The following UBXN7 variants were observed in gnomAD, a reference collection of about 807,000 sequenced individuals.
UBXN7 encodes the protein UBX domain-containing protein 7.
A neutral mutation model predicts 58.0 loss-of-function variants in UBXN7; 9 were observed. The observed-to-expected ratio is 0.16, with a 90% CI of 0.09 to 0.27. UBXN7 has a LOEUF of 0.27. Ranked by LOEUF, UBXN7 falls within the 10% of genes least tolerant of loss-of-function variation. UBXN7 has a pLI of 1.00. For synonymous variants in UBXN7, 208 were observed against 205.0 expected, an observed-to-expected ratio of 1.01 and a Z score of -0.12; for missense variants, 328 against 599.6, an observed-to-expected ratio of 0.55 and a Z score of 4.73.
rs1184262284 is a variant in UBXN7 at position 196,347,842 on chromosome 3, C to G, written c.*8843G>C. 1 of 151,332 alleles carries G rather than the reference C, an allele frequency of 6.6e-6. No individual in the cohort carries two copies. Among genetic ancestry groups the G allele is most frequent in the Non-Finnish European group, 1.5e-5 (1 of 67,918 alleles). The allele number at this position is 151,332 out of a possible 1,614,324, so 9.4% of individuals were successfully genotyped here. ...TTATCGTCCCACTCCCTTCCCTCCC[C>G]CACCCCATTGTCCCCCCACCCTCCC... is the stretch of plus-strand genomic sequence containing the variant. On this transcript the variant is annotated 3_prime_UTR_variant, in exon 11 of 11. Transcript: ENST00000296328.
At chr3:196,412,373 G>GT (rs1291594217) in intron 1 of UBXN7, among the ~76,000 whole-genome samples, 5 of 151,658 alleles carry the variant, frequency 3.3e-5, no homozygotes, top group South Asian at 2.1e-4. Flanking sequence ...ACGGTCAACT[G>GT]TTTTTTTTAG....
chr3:196,426,003 T>G (rs1730837788), intron 1 of UBXN7, among the ~76,000 whole-genome samples: 3 of 152,180 alleles, frequency 2.0e-5, no homozygotes, highest in Admixed American at 2.0e-4. Flanking sequence ...CCTTAAGATG[T>G]GAACCATGCC....
At chr3:196,358,044 G>A (rs190295246) in intron 10 of UBXN7, among the ~76,000 whole-genome samples, 1 of 151,896 alleles carries the variant, frequency 6.6e-6, no homozygotes, top group African/African-American at 2.4e-5. Flanking sequence ...ACAAGAAAAG[G>A]AAGAAAAAAA....
chr3:196,394,155 G>A (rs1338717717), intron 3 of UBXN7, among the ~76,000 whole-genome samples: 2 of 152,018 alleles, frequency 1.3e-5, no homozygotes, highest in Non-Finnish European at 2.9e-5. Context: ...AGGCGTGATG[G>A]TGCATGCCTG....
chr3:196,370,735 A>C (rs148923539), intron 6 of UBXN7, among the ~76,000 whole-genome samples: 21 of 151,970 alleles, frequency 1.4e-4, no homozygotes, highest in Non-Finnish European at 3.1e-4. Context: ...AAAATAAAAA[A>C]ATTGAGCCGG....
chr3:196,386,552 A>T (rs1294327627), intron 5 of UBXN7, among the ~76,000 whole-genome samples: 3 of 152,176 alleles, frequency 2.0e-5, no homozygotes, highest in Non-Finnish European at 2.9e-5. Flanking sequence ...AAAAATCACA[A>T]GCATTCCTAT....
chr3:196,372,327 C>CTCTCTCTCTCTCTCTCTCT (rs1560222230), intron 5 of UBXN7, among the ~76,000 whole-genome samples: 1 of 90,284 alleles, frequency 1.1e-5, no homozygotes, highest in Non-Finnish European at 2.5e-5. Context: ...TCTCTCTCTC[C>CTCTCTCTCTCTCTCTCTCT]TTTCTTTCTT....
At chr3:196,366,259 A>G (rs1728662216) in intron 8 of UBXN7, among the ~76,000 whole-genome samples, 1 of 152,128 alleles carries the variant, frequency 6.6e-6, no homozygotes, top group Admixed American at 6.6e-5. Flanking sequence ...GTTCATGCTT[A>G]TAATCCCAGC....
At chr3:196,361,977 G>C in intron 9 of UBXN7, 54 bp from the exon 10 acceptor site, 1 of 1,468,838 alleles carries the variant, frequency 6.8e-7, no homozygotes, top group Non-Finnish European at 9.4e-7. Flanking sequence ...GTTTAAGACA[G>C]AATATTAGTT....
At chr3:196,368,233 A>G (rs1161214507) in intron 7 of UBXN7, 78 bp from the exon 8 acceptor site, 9 of 1,425,694 alleles carry the variant, frequency 6.3e-6, no homozygotes, top group African/African-American at 2.9e-5. Flanking sequence ...ATCTATAAAT[A>G]TAATACCTAG....
intron 1 of UBXN7, among the ~76,000 whole-genome samples, chr3:196,417,109 C>G (rs374552908): frequency 2.3e-4 from 35 of 152,092 alleles, no homozygotes; most frequent in Middle Eastern, 3.4e-3. Flanking sequence ...GTCAGGAGAT[C>G]GAGACCATCC....
intron 3 of UBXN7, among the ~76,000 whole-genome samples, chr3:196,401,773 A>C (rs1729993909): frequency 6.9e-6 from 1 of 145,108 alleles, no homozygotes; most frequent in Non-Finnish European, 1.5e-5. Flanking sequence ...TATTTTAAAA[A>C]AAAAAAAAAA....
chr3:196,374,907 GGGAGGGGGAGGGGGAGGGGAAGGGAAGA>G, intron 5 of UBXN7, among the ~76,000 whole-genome samples: 3 of 6,726 alleles, frequency 4.5e-4, no homozygotes, highest in African/African-American at 1.2e-3. Flanking sequence ...GGGGGGGAGG[GGGAGGGGGAGGGGGAGGGGAAGGGAAGA>G]AGGAAGGAAG....
intron 5 of UBXN7, among the ~76,000 whole-genome samples, chr3:196,377,216 A>G (rs1474606451): frequency 1.3e-5 from 2 of 152,238 alleles, no homozygotes; most frequent in Non-Finnish European, 1.5e-5. Flanking sequence ...AGCTTACAGC[A>G]TGGTGGGGAA....
intron 1 of UBXN7, among the ~76,000 whole-genome samples, chr3:196,421,653 T>C (rs1730690909): frequency 1.3e-5 from 2 of 151,728 alleles, no homozygotes; most frequent in Admixed American, 1.3e-4. Flanking sequence ...GGCAGGCGCC[T>C]GTAGTCCCAG....
chr3:196,407,504 T>A, intron 1 of UBXN7, 111 bp from the exon 2 acceptor site: 1 of 1,395,622 alleles, frequency 7.2e-7, no homozygotes, highest in Middle Eastern at 2.2e-4. Flanking sequence ...TTTTCCCTTT[T>A]AGAATGAATG....
intron 9 of UBXN7, 140 bp downstream of exon 9, chr3:196,362,154 T>C (rs1728522838): frequency 3.3e-6 from 4 of 1,202,824 alleles, no homozygotes; most frequent in South Asian, 3.1e-5. Flanking sequence ...CCACCACACC[T>C]GGCTAAGTTT....
At chr3:196,386,119 G>T (rs918111383) in intron 5 of UBXN7, among the ~76,000 whole-genome samples, 4 of 152,004 alleles carry the variant, frequency 2.6e-5, no homozygotes, top group Admixed American at 2.0e-4. Context: ...TGTCCACTAA[G>T]GGTTAAATGG....
At chr3:196,365,249 TAA>T (rs11317854) in intron 8 of UBXN7, among the ~76,000 whole-genome samples, 6,703 of 127,882 alleles carry the variant, frequency 0.052, 474 homozygotes, top group African/African-American at 0.17. Flanking sequence ...TTCCCCACCT[TAA>T]AAAAAAAAAA....
Sources: allele counts gnomAD v4.1 joint callset (sites outside exome capture counted in the v4.1 genomes callset), GRCh38; gene constraint gnomAD v4.1.1; transcripts MANE v1.5; gene names NCBI Gene and HGNC (gene_info 2026-07-23, HGNC 2026-07-21).